Variants in NEK10 observed in about 807,000 individuals in gnomAD.
The protein encoded by NEK10 is NIMA related kinase 10.
NEK10 carries 122 observed loss-of-function variants against 159.8 expected under a neutral mutation model. That is an observed-to-expected ratio of 0.76 (90% CI 0.66 to 0.89). The LOEUF (loss-of-function observed/expected upper bound fraction) is 0.89, where lower values mean the gene tolerates loss of function less well. Ranked by LOEUF, NEK10 falls within the 40% of genes least tolerant of loss-of-function variation. NEK10 has a pLI of 0.00. For missense variants in NEK10, 1,342 were observed against 1,323.1 expected (o/e 1.01, Z -0.22); for synonymous variants, 466 against 457.1 (o/e 1.02, Z -0.25).
chr3:27,231,919 T>C (rs946041382), intron 23 of NEK10, among the ~76,000 whole-genome samples: 2 of 151,882 alleles, frequency 1.3e-5, no homozygotes, highest in African/African-American at 2.4e-5. Flanking sequence ...CTAAGAAGAA[T>C]TGGTGTTGAT....
chr3:27,291,701 G>GGCAGCT, intron 16 of NEK10, 115 bp from the exon 17 acceptor site: 1 of 658,532 alleles, frequency 1.5e-6, no homozygotes, highest in Non-Finnish European at 2.7e-6. Flanking sequence ...GGAGTGCAGT[G>GGCAGCT]GCACGATCTC....
chr3:27,305,070 T>A (rs537240335), intron 11 of NEK10, 99 bp from the exon 12 acceptor site: 1 of 737,510 alleles, frequency 1.4e-6, no homozygotes, highest in African/African-American at 1.8e-5. Context: ...AATATAACCC[T>A]AACATTTTGT....
At chr3:27,198,301 G>A (rs1575201233) in intron 25 of NEK10, among the ~76,000 whole-genome samples, 1 of 139,064 alleles carries the variant, frequency 7.2e-6, no homozygotes, top group East Asian at 2.1e-4. Context: ...GGAACCAAAA[G>A]AGCAACTGAA....
chr3:27,254,797 AC>A lies in NEK10; in HGVS notation c.2090+1498del, dbSNP rs547419595. 3.8e-3 allele frequency among the ~76,000 whole-genome samples: 580 copies of A among 152,200 alleles called. 5 individuals are homozygous for A. The highest frequency in any genetic ancestry group is 0.013 in the African/African-American group (551 of 41,540). The stretch of plus-strand genomic sequence containing the variant: ...CTATATGAGTAGGTTCAGCTTACAA[AC>A]CCTTCAGTTAATTTAAAAATTAAAT... On this transcript the variant is annotated intron_variant, in intron 23 of 35. Transcript: ENST00000691995.
chr3:27,295,338 G>C (rs1053547225), intron 15 of NEK10, among the ~76,000 whole-genome samples: 5 of 152,140 alleles, frequency 3.3e-5, no homozygotes, highest in Admixed American at 6.5e-5. Flanking sequence ...CATAAGGAAT[G>C]CATATTTTTT....
intron 1 of NEK10, among the ~76,000 whole-genome samples, chr3:27,361,941 A>G (rs941508573): frequency 3.3e-5 from 5 of 152,222 alleles, no homozygotes; most frequent in Non-Finnish European, 5.9e-5. Flanking sequence ...GTGGGAAATC[A>G]TAAATATGTA....
intron 22 of NEK10, among the ~76,000 whole-genome samples, chr3:27,281,107 T>G (rs2042129690): frequency 6.6e-6 from 1 of 151,628 alleles, no homozygotes; most frequent in African/African-American, 2.4e-5. Flanking sequence ...TAATATAAAT[T>G]TAATATTCAA....
intron 8 of NEK10, chr3:27,311,829 C>T (rs1193054538): frequency 2.5e-6 from 1 of 401,078 alleles, no homozygotes; most frequent in Non-Finnish European, 4.5e-6. Context: ...TAAAAAGACG[C>T]AAAAATAGAT....
chr3:27,285,732 T>C (rs2042544353), intron 20 of NEK10, among the ~76,000 whole-genome samples: 1 of 152,200 alleles, frequency 6.6e-6, no homozygotes, highest in Non-Finnish European at 1.5e-5. Flanking sequence ...CCTTGGGATG[T>C]ATACAAAATA....
chr3:27,256,229 A>G (rs548587493), intron 23 of NEK10, 67 bp downstream of exon 23: 29 of 706,290 alleles, frequency 4.1e-5, no homozygotes, highest in Non-Finnish European at 5.4e-5. Flanking sequence ...TTGCAAGTCA[A>G]TAATATAAAT....
chr3:27,231,151 C>A (rs550261972), intron 23 of NEK10, among the ~76,000 whole-genome samples: 1 of 152,002 alleles, frequency 6.6e-6, no homozygotes, highest in South Asian at 2.1e-4. Flanking sequence ...AAGTCAAAAT[C>A]ATATGAAGTA....
intron 23 of NEK10, among the ~76,000 whole-genome samples, chr3:27,254,952 C>CACACAG (rs1003334772): frequency 4.0e-5 from 6 of 150,794 alleles, no homozygotes; most frequent in Admixed American, 1.3e-4. Flanking sequence ...CACACACACA[C>CACACAG]AGTTGATACT....
intron 33 of NEK10, among the ~76,000 whole-genome samples, chr3:27,117,285 C>T (rs1180703997): frequency 6.6e-6 from 1 of 152,184 alleles, no homozygotes; most frequent in Admixed American, 6.6e-5. Context: ...TAGCAATGAA[C>T]ATATGTGTGC....
intron 23 of NEK10, among the ~76,000 whole-genome samples, chr3:27,220,112 A>G (rs1349071939): frequency 1.3e-5 from 2 of 152,230 alleles, no homozygotes; most frequent in African/African-American, 4.8e-5. Context: ...GTGTTCAGAA[A>G]TTAGAAGACT....
At chr3:27,207,974 GT>G (rs777331572) in intron 23 of NEK10, among the ~76,000 whole-genome samples, 23 of 152,174 alleles carry the variant, frequency 1.5e-4, no homozygotes, top group African/African-American at 4.8e-4. Context: ...ATAATTCATT[GT>G]ACAGCATGTA....
At position 27,166,236 on chromosome 3, in the gene NEK10, G is replaced by C. The variant is rs1326019446; in HGVS notation, c.2832-3498C>G. ...CTCCTATTTATCTATAATGTTAATA[G>C]AGTTGGTATCATGACAACAAAGTAG... On this transcript the variant is annotated intron_variant, in intron 29 of 35. Coordinates refer to ENST00000691995, the MANE Select transcript of NEK10 (RefSeq NM_001394966.1). Among the ~76,000 whole-genome samples, 3 of 152,286 alleles carry C rather than the reference G, an allele frequency of 2.0e-5. No individual in the cohort carries two copies. The East Asian group carries it at 5.8e-4, about 29-fold the overall frequency.
chr3:27,244,423 T>C (rs1461726706), intron 23 of NEK10, among the ~76,000 whole-genome samples: 1 of 152,198 alleles, frequency 6.6e-6, no homozygotes, highest in Non-Finnish European at 1.5e-5. Flanking sequence ...TGTTGTCTCT[T>C]AATGTATTAT....
In NEK10 at chr3:27,262,423, G is replaced by T. The variant is rs1460002355; in HGVS notation, c.2015-6052C>A. Among the ~76,000 whole-genome samples the T allele has an allele frequency of 2.0e-5, 3 of 152,220 alleles. No homozygotes were observed. In the East Asian group the frequency reaches 5.8e-4, roughly 29 times the overall value. On this transcript the variant is annotated intron_variant, in intron 22 of 35. Transcript: ENST00000691995. ...GTACCCCTGGATAATATCCCACAGAGTGTTTTCCAACTTGGTTCCATTCTC... is the reference window on the plus strand; with the variant it reads ...GTACCCCTGGATAATATCCCACAGATTGTTTTCCAACTTGGTTCCATTCTC...
chr3:27,219,593 G>T (rs189960906), intron 23 of NEK10, among the ~76,000 whole-genome samples: 3 of 152,236 alleles, frequency 2.0e-5, no homozygotes, highest in Admixed American at 2.0e-4. Context: ...CTACTTTTGG[G>T]TTGAGCTTGT....
Sources: allele counts gnomAD v4.1 joint callset (sites outside exome capture counted in the v4.1 genomes callset), GRCh38; gene constraint gnomAD v4.1.1; transcripts MANE v1.5; gene names NCBI Gene and HGNC (gene_info 2026-07-23, HGNC 2026-07-21).